BCAS3: variants seen among roughly 807,000 people sequenced by gnomAD.
The protein encoded by BCAS3 is BCAS4/BCAS3 fusion.
BCAS3 carries 53 observed loss-of-function variants against 116.1 expected under a neutral mutation model. That is an observed-to-expected ratio of 0.46 (90% CI 0.37 to 0.57). BCAS3 has a LOEUF of 0.57. Ranked by LOEUF, BCAS3 falls within the 20% of genes least tolerant of loss-of-function variation. The probability of loss-of-function intolerance (pLI) is 0.00; values close to 1 mark genes in which losing one functional copy is unlikely to be tolerated. For missense variants in BCAS3, 917 were observed against 1,165.4 expected, an observed-to-expected ratio of 0.79 and a Z score of 3.10; for synonymous variants, 391 against 408.2, an observed-to-expected ratio of 0.96 and a Z score of 0.51.
intron 7 of BCAS3, among the ~76,000 whole-genome samples, chr17:60,838,234 T>C (rs1162001768): frequency 2.6e-5 from 4 of 152,116 alleles, no homozygotes; most frequent in East Asian, 3.9e-4. Context: ...AGCATTGTGA[T>C]TGAGGAAATA....
chr17:61,373,659 G>A (rs532332151), intron 23 of BCAS3, among the ~76,000 whole-genome samples: 1 of 147,446 alleles, frequency 6.8e-6, no homozygotes, highest in East Asian at 2.0e-4. Flanking sequence ...TGTTGGCCAG[G>A]CTGGTCTCGA....
intron 21 of BCAS3, among the ~76,000 whole-genome samples, chr17:61,079,012 C>G (rs546510891): frequency 2.0e-4 from 30 of 151,966 alleles, no homozygotes; most frequent in Non-Finnish European, 8.8e-5. Flanking sequence ...TACATGTTCT[C>G]TCATCCTTAT....
chr17:60,723,487 A>T, intron 5 of BCAS3, among the ~76,000 whole-genome samples: 1 of 152,172 alleles, frequency 6.6e-6, no homozygotes, highest in African/African-American at 2.4e-5. Context: ...CGGCCTCCCA[A>T]AGTGCTAGGA....
chr17:61,290,338 CG>C (rs2052260368), intron 22 of BCAS3, among the ~76,000 whole-genome samples: 1 of 151,916 alleles, frequency 6.6e-6, no homozygotes, highest in Non-Finnish European at 1.5e-5. Context: ...TGTCACAAAA[CG>C]TAAGTTAAAA....
intron 5 of BCAS3, chr17:60,727,198 A>T (rs2039972124): frequency 1.1e-6 from 1 of 907,302 alleles, no homozygotes. Flanking sequence ...TTCTCTTCTT[A>T]TCTCCTCCCG....
In BCAS3 at chr17:61,356,237, A is replaced by G. The variant is rs187066940; in HGVS notation, c.2426-12090A>G. Among the ~76,000 whole-genome samples, 5 of 152,226 alleles carry G rather than the reference A, an allele frequency of 3.3e-5. No homozygotes were observed. Among genetic ancestry groups the G allele is most frequent in the African/African-American group, 9.6e-5 (4 of 41,524 alleles). ...TCGAACTCCTGACCTCAGGTGATCCACACGCCTCGGCCTCCCAAAGTGCTG... is the reference window on the plus strand; with the variant it reads ...TCGAACTCCTGACCTCAGGTGATCCGCACGCCTCGGCCTCCCAAAGTGCTG... On this transcript the variant is annotated intron_variant, in intron 22 of 23. Transcript: ENST00000407086. This position sits in a 1 kb window ranked among gnomAD's most constrained non-coding sequence, Gnocchi z 5.4.
chr17:60,681,845 T>A (rs1365321513), intron 2 of BCAS3, among the ~76,000 whole-genome samples: 3 of 152,174 alleles, frequency 2.0e-5, no homozygotes, highest in Non-Finnish European at 4.4e-5. Context: ...TTCTCCTGCC[T>A]CAGCCTCCCG....
chr17:61,023,576 C>A lies in BCAS3; in HGVS notation c.1637+7675C>A, dbSNP rs1479449845. 2.0e-5 allele frequency among the ~76,000 whole-genome samples: 3 copies of A among 152,062 alleles called. No homozygotes were observed. Among genetic ancestry groups the A allele is most frequent in the African/African-American group, 4.8e-5 (2 of 41,414 alleles). ...GCTTTTTTCTCATATTAAAAAAATT[C>A]TTCGTGTTTACCTTGTTTTCAGCTA... On this transcript the variant is annotated intron_variant, in intron 16 of 23. Transcript: ENST00000407086. This position sits in a 1 kb window ranked among gnomAD's most constrained non-coding sequence, Gnocchi z 4.8.
At chr17:60,924,900 G>GTT (rs916623711) in intron 13 of BCAS3, among the ~76,000 whole-genome samples, 2 of 143,362 alleles carry the variant, frequency 1.4e-5, no homozygotes, top group Non-Finnish European at 3.1e-5. Context: ...AATTTTCTCG[G>GTT]TTTTTTTTTT....
Position 61,106,693 on chromosome 17 carries a change from C to T in BCAS3, c.2425+22129C>T, listed in dbSNP as rs749056814. Among the ~76,000 whole-genome samples the T allele has an allele frequency of 2.0e-5, 3 of 152,200 alleles. No homozygotes were observed. Among genetic ancestry groups the T allele is most frequent in the Non-Finnish European group, 4.4e-5 (3 of 68,032 alleles). On this transcript the variant is annotated intron_variant, in intron 22 of 23. Transcript: ENST00000407086. This position sits in a 1 kb window ranked among gnomAD's most constrained non-coding sequence, Gnocchi z 4.2. ...TTGTAGAATAAATTATATTTTGAAA[C>T]TTGCTTCATTTATTGTTAGCAGATT...
chr17:61,264,709 C>A (rs574781747), intron 22 of BCAS3, among the ~76,000 whole-genome samples: 2 of 152,244 alleles, frequency 1.3e-5, no homozygotes, highest in East Asian at 3.9e-4. Context: ...TACCCAGCCT[C>A]ATAGATAAGC....
At chr17:61,127,409 AG>A (rs1298556297) in intron 22 of BCAS3, among the ~76,000 whole-genome samples, 2 of 152,076 alleles carry the variant, frequency 1.3e-5, no homozygotes, top group Non-Finnish European at 2.9e-5. Context: ...AGCAGGGATA[AG>A]GGGACACTGG....
At position 61,387,163 on chromosome 17, in the gene BCAS3, C is replaced by T. The variant is rs1347408888; in HGVS notation, c.2594-4814C>T. 1.3e-5 allele frequency among the ~76,000 whole-genome samples: 2 copies of T among 152,214 alleles called. No homozygotes were observed. The highest frequency in any genetic ancestry group is 1.9e-4 in the East Asian group (1 of 5,184). ...CACAGGCCCTGTGCCCTCCGCATTT[C>T]ACCCCTCCCGGGGAGTCTGCTGCCC... On this transcript the variant is annotated intron_variant, in intron 23 of 23. Transcript: ENST00000407086. The surrounding 1 kb of genome is among the most constrained non-coding windows in gnomAD (Gnocchi z 6.2).
chr17:60,867,114 G>T (rs572980719), intron 7 of BCAS3, among the ~76,000 whole-genome samples: 42 of 141,166 alleles, frequency 3.0e-4, no homozygotes, highest in Non-Finnish European at 3.1e-4. Flanking sequence ...TTTTGTTTTT[G>T]TTTTTTTTTT....
chr17:61,353,119 C>T (rs1450243415), intron 22 of BCAS3, among the ~76,000 whole-genome samples: 1 of 152,110 alleles, frequency 6.6e-6, no homozygotes, highest in African/African-American at 2.4e-5. Flanking sequence ...GGCCCAAGAC[C>T]GATGTGCAAG....
chr17:61,212,041 A>G (rs1448180665), intron 22 of BCAS3, among the ~76,000 whole-genome samples: 1 of 152,258 alleles, frequency 6.6e-6, no homozygotes, highest in Non-Finnish European at 1.5e-5. Context: ...GAGGAGAAAC[A>G]AAGCAGCTAA....
intron 6 of BCAS3, among the ~76,000 whole-genome samples, chr17:60,758,297 A>G (rs542372809): frequency 2.0e-5 from 3 of 152,242 alleles, no homozygotes; most frequent in South Asian, 2.1e-4. Flanking sequence ...TGACATTGGT[A>G]TTTTGAGGTT....
At chr17:60,911,789 AAATT>A (rs1466303257) in intron 12 of BCAS3, among the ~76,000 whole-genome samples, 1 of 152,372 alleles carries the variant, frequency 6.6e-6, no homozygotes, top group Non-Finnish European at 1.5e-5. Context: ...ATTTATAAAC[AAATT>A]AATTAATAGT....
intron 5 of BCAS3, among the ~76,000 whole-genome samples, chr17:60,740,142 G>A (rs146520413): frequency 3.9e-4 from 59 of 152,144 alleles, no homozygotes; most frequent in Non-Finnish European, 7.6e-4. Context: ...TCTGATGCTT[G>A]TTGAGTCTCT....
Sources: allele counts gnomAD v4.1 joint callset (sites outside exome capture counted in the v4.1 genomes callset), GRCh38; gene constraint gnomAD v4.1.1; non-coding constraint Gnocchi (gnomAD v3.1); transcripts MANE v1.5; gene names NCBI Gene and HGNC (gene_info 2026-07-23, HGNC 2026-07-21).